Variants in ISOC1 observed in about 807,000 individuals in gnomAD.
ISOC1 encodes the protein isochorismatase domain containing 1, also known as isochorismatase domain-containing protein 1.
ISOC1 carries 33 observed loss-of-function variants against 30.0 expected under a neutral mutation model. That is an observed-to-expected ratio of 1.10 (90% CI 0.83 to 1.47). ISOC1 has a LOEUF of 1.47. Among genes scored for constraint, ISOC1 ranks in the 40% most tolerant of loss-of-function variants. The pLI, the probability that ISOC1 is intolerant of heterozygous loss-of-function variation, is 0.00. For synonymous variants in ISOC1, 178 were observed against 159.8 expected (o/e 1.11, Z -0.86); for missense variants, 372 against 388.0 (o/e 0.96, Z 0.35).
intron 4 of ISOC1, among the ~76,000 whole-genome samples, chr5:129,108,122 T>C (rs1196028693): frequency 6.6e-6 from 1 of 152,226 alleles, no homozygotes. Flanking sequence ...GTTGAGACCC[T>C]CCAGTGTTCT....
At chr5:129,108,510 C>CTTT (rs561317009) in intron 4 of ISOC1, among the ~76,000 whole-genome samples, 4 of 144,140 alleles carry the variant, frequency 2.8e-5, no homozygotes, top group Admixed American at 2.1e-4. Context: ...TAATCCATTT[C>CTTT]TTTTTTTTTT....
At chr5:129,110,522 C>A (rs1273328998) in intron 4 of ISOC1, among the ~76,000 whole-genome samples, 1 of 152,180 alleles carries the variant, frequency 6.6e-6, no homozygotes, top group Non-Finnish European at 1.5e-5. Flanking sequence ...ACACAGGTTC[C>A]TGGCTAGATG....
chr5:129,098,991 G>C, intron 1 of ISOC1, among the ~76,000 whole-genome samples: 1 of 151,262 alleles, frequency 6.6e-6, no homozygotes, highest in East Asian at 1.9e-4. Flanking sequence ...GGCAGGAAGA[G>C]GGGGTAGATG....
chr5:129,101,180 A>ATAT (rs1753566363), intron 1 of ISOC1, among the ~76,000 whole-genome samples: 14 of 109,640 alleles, frequency 1.3e-4, no homozygotes, highest in African/African-American at 6.5e-4. Context: ...AAAAAAAAAA[A>ATAT]AAAAAAAAAA....
chr5:129,112,897 G>A lies in ISOC1; in HGVS notation c.793G>A (p.Val265Ile). Residue 265 changes from valine to isoleucine, a missense_variant, in exon 5 of 5, where the codon GTT (valine) becomes ATT (isoleucine). Val to Ile is a conservative substitution (Grantham distance 29). Transcript: ENST00000173527. The part of the protein sequence containing the change: ...TGIIVTTSEA[V>I]LLQLVADKDH... ...GATCATAGTGACCACGAGTGAGGCT[G>A]TTCTGCTTCAGCTGGTAGCTGATAA... The A allele has an allele frequency of 6.2e-7, 1 of 1,613,826 alleles. No homozygotes were observed. Among genetic ancestry groups the A allele is most frequent in the South Asian group, 1.1e-5 (1 of 91,066 alleles).
At chr5:129,112,725 G>C (rs1416512683) in intron 4 of ISOC1, 130 bp from the exon 5 acceptor site, 1 of 921,422 alleles carries the variant, frequency 1.1e-6, no homozygotes, top group Non-Finnish European at 1.6e-6. Flanking sequence ...CACTGAACTT[G>C]ATGGTATGGC....
chr5:129,109,758 G>A (rs1032845953), intron 4 of ISOC1, among the ~76,000 whole-genome samples: 3 of 152,128 alleles, frequency 2.0e-5, no homozygotes, highest in African/African-American at 4.8e-5. Flanking sequence ...GAGGAAGGGG[G>A]CAATGTTAAG....
intron 1 of ISOC1, among the ~76,000 whole-genome samples, chr5:129,097,264 A>G (rs1049049182): frequency 6.6e-6 from 1 of 152,146 alleles, no homozygotes; most frequent in Non-Finnish European, 1.5e-5. Context: ...CTTCAGCCTG[A>G]TGCCTCTCCT....
At position 129,101,192 on chromosome 5, in the gene ISOC1, A is replaced by AAAAATATATATAT. The variant is rs1554064627; in HGVS notation, c.310-3763_310-3762insAAATATATATATA. ...AAAAAAAAAAAAAAAAAAAAAAAAA[A>AAAAATATATATAT]ATATATATATATATATGGTTGGGTT... On this transcript the variant is annotated intron_variant, in intron 1 of 4. Transcript: ENST00000173527. Among the ~76,000 whole-genome samples the AAAAATATATATAT allele has an allele frequency of 8.5e-4, 36 of 42,162 alleles. 1 individual carries two copies. The highest frequency in any genetic ancestry group is 1.7e-3 in the East Asian group (2 of 1,188). 27.7% of individuals were successfully genotyped at this position (42,162 alleles called of 152,430 possible).
intron 4 of ISOC1, among the ~76,000 whole-genome samples, chr5:129,111,209 T>C (rs1753704885): frequency 6.6e-6 from 1 of 152,148 alleles, no homozygotes. Flanking sequence ...TCACCCCTGG[T>C]GTGTGTCTGA....
At chr5:129,102,979 G>A (rs1753589332) in intron 1 of ISOC1, among the ~76,000 whole-genome samples, 3 of 152,126 alleles carry the variant, frequency 2.0e-5, no homozygotes, top group African/African-American at 2.4e-5. Context: ...CCACATTTAC[G>A]CAACTGCCCA....
At chr5:129,096,027 G>C (rs1393125594) in intron 1 of ISOC1, among the ~76,000 whole-genome samples, 1 of 152,180 alleles carries the variant, frequency 6.6e-6, no homozygotes, top group Non-Finnish European at 1.5e-5. Flanking sequence ...GGGATAAAAG[G>C]TATTTTAATA....
In ISOC1 at chr5:129,094,770, G is replaced by C. The variant is rs1448744547; in HGVS notation, c.4G>C (p.Ala2Pro). The C allele has an allele frequency of 3.3e-6, 5 of 1,496,852 alleles. No individual in the cohort carries two copies. The highest frequency in any genetic ancestry group is 4.4e-6 in the Non-Finnish European group (5 of 1,128,724). 92.7% of individuals were successfully genotyped at this position (1,496,852 alleles called of 1,614,324 possible). M[A>P]AAEPAVLALP... ...GCTCGCAGACGCTCGGGGGAACATG[G>C]CGGCTGCGGAGCCGGCGGTCCTTGC... The change falls in exon 1 of 5, where the codon GCG becomes CCG. Residue 2 changes from alanine (A) to proline (P), a missense_variant. Coordinates refer to ENST00000173527, the MANE Select transcript of ISOC1 (RefSeq NM_016048.2).
chr5:129,098,239 C>G (rs1753531114), intron 1 of ISOC1, among the ~76,000 whole-genome samples: 3 of 152,062 alleles, frequency 2.0e-5, no homozygotes, highest in Non-Finnish European at 1.5e-5. Flanking sequence ...TCTTTAAGAC[C>G]CCCCATTGCC....
At chr5:129,101,057 G>T (rs1386537235) in intron 1 of ISOC1, among the ~76,000 whole-genome samples, 1 of 142,520 alleles carries the variant, frequency 7.0e-6, no homozygotes, top group Admixed American at 7.2e-5. Context: ...GTGAGACAGG[G>T]TCTTGCTCTG....
At chr5:129,095,209 C>G in intron 1 of ISOC1, 134 bp downstream of exon 1, 2 of 830,600 alleles carry the variant, frequency 2.4e-6, no homozygotes, top group Non-Finnish European at 3.6e-6. Flanking sequence ...TGGCTGAGTC[C>G]GAAGGGCTGC....
chr5:129,104,757 G>A (rs779503892), intron 1 of ISOC1, among the ~76,000 whole-genome samples, 199 bp from the exon 2 acceptor site: 6 of 151,032 alleles, frequency 4.0e-5, no homozygotes, highest in South Asian at 2.1e-4. Flanking sequence ...TCTAATTTCC[G>A]CTATTAAAAG....
intron 1 of ISOC1, among the ~76,000 whole-genome samples, chr5:129,102,288 G>A (rs1753581729): frequency 6.6e-6 from 1 of 152,196 alleles, no homozygotes. Flanking sequence ...TTAAAAACAT[G>A]CCTTGCCACT....
At chr5:129,097,700 G>A (rs533421468) in intron 1 of ISOC1, 3 of 151,394 alleles carry the variant, frequency 2.0e-5, no homozygotes, top group Admixed American at 6.6e-5. Context: ...GCAAGTCTCC[G>A]CATATGCCTG....
Sources: allele counts gnomAD v4.1 joint callset (sites outside exome capture counted in the v4.1 genomes callset), GRCh38; gene constraint gnomAD v4.1.1; transcripts MANE v1.5; gene names NCBI Gene and HGNC (gene_info 2026-07-23, HGNC 2026-07-21).